The following RABGAP1L variants were observed in gnomAD, a reference collection of about 807,000 sequenced individuals.
The protein encoded by RABGAP1L is RAB GTPase activating protein 1 like.
Under a neutral mutation model 137.7 loss-of-function variants are expected in RABGAP1L, and 63 were observed. That is an observed-to-expected ratio of 0.46 (90% confidence interval 0.37 to 0.56). The LOEUF (loss-of-function observed/expected upper bound fraction) is 0.56. RABGAP1L is among the 20% of genes least tolerant of loss of function. RABGAP1L has a pLI of 0.00. For synonymous variants in RABGAP1L, 431 were observed against 433.7 expected, an observed-to-expected ratio of 0.99 and a Z score of 0.08; for missense variants, 1,095 against 1,244.0, an observed-to-expected ratio of 0.88 and a Z score of 1.80.
chr1:174,336,540 C>G (rs1048781438), intron 11 of RABGAP1L, among the ~76,000 whole-genome samples: 1 of 152,112 alleles, frequency 6.6e-6, no homozygotes, highest in South Asian at 2.1e-4. Context: ...TAAGGAAATG[C>G]TTTTTAAACT....
chr1:174,298,252 G>A (rs547467340), intron 10 of RABGAP1L, among the ~76,000 whole-genome samples: 2 of 151,900 alleles, frequency 1.3e-5, no homozygotes, highest in East Asian at 2.0e-4. Context: ...TTGCATCCCC[G>A]AGTTCTGGTG....
chr1:174,630,788 T>C (rs1307065295), intron 13 of RABGAP1L, among the ~76,000 whole-genome samples: 1 of 145,044 alleles, frequency 6.9e-6, no homozygotes, highest in African/African-American at 2.6e-5. Context: ...TCTCTTTTTT[T>C]CTTTATTAGT....
chr1:174,272,834 C>T (rs1571869273), intron 8 of RABGAP1L, among the ~76,000 whole-genome samples: 1 of 152,014 alleles, frequency 6.6e-6, no homozygotes, highest in Non-Finnish European at 1.5e-5. Flanking sequence ...TTTTAATGCA[C>T]TGCTATTAAT....
chr1:174,217,374 T>C (rs1033910847), intron 1 of RABGAP1L, among the ~76,000 whole-genome samples: 5 of 152,190 alleles, frequency 3.3e-5, no homozygotes, highest in African/African-American at 9.7e-5. Context: ...GGAAGACTGT[T>C]AGCCTGCAGA....
chr1:174,679,168 T>C (rs1458864661), intron 14 of RABGAP1L, among the ~76,000 whole-genome samples: 2 of 152,164 alleles, frequency 1.3e-5, no homozygotes, highest in African/African-American at 4.8e-5. Context: ...TACCTCCTGT[T>C]TTTGCCTAAT....
chr1:174,284,370 C>T (rs936324234), intron 10 of RABGAP1L, among the ~76,000 whole-genome samples: 1 of 152,116 alleles, frequency 6.6e-6, no homozygotes. Flanking sequence ...GCTTTTTTTA[C>T]TTAGCATAAT....
chr1:174,422,196 G>A (rs892385720), intron 13 of RABGAP1L, among the ~76,000 whole-genome samples: 1 of 152,102 alleles, frequency 6.6e-6, no homozygotes, highest in African/African-American at 2.4e-5. Context: ...ATCTTGATAC[G>A]CTTAATGGCT....
chr1:174,552,534 T>C (rs1053491575), intron 13 of RABGAP1L, among the ~76,000 whole-genome samples: 19 of 152,108 alleles, frequency 1.2e-4, no homozygotes. Flanking sequence ...TAGTATTCCA[T>C]GGTGTATATG....
intron 11 of RABGAP1L, among the ~76,000 whole-genome samples, chr1:174,324,247 G>A (rs1406100756): frequency 6.6e-6 from 1 of 152,112 alleles, no homozygotes; most frequent in African/African-American, 2.4e-5. Flanking sequence ...GAAATGAGGG[G>A]TGCAGAAGAG....
intron 1 of RABGAP1L, among the ~76,000 whole-genome samples, chr1:174,177,598 G>T (rs1163224353): frequency 6.6e-6 from 1 of 152,158 alleles, no homozygotes; most frequent in Non-Finnish European, 1.5e-5. Flanking sequence ...TTTTCCTAGG[G>T]TTATTATGAT....
chr1:174,609,935 A>T (rs1671067629), intron 13 of RABGAP1L, among the ~76,000 whole-genome samples: 1 of 152,062 alleles, frequency 6.6e-6, no homozygotes, highest in East Asian at 1.9e-4. Context: ...TTTCTGTTTT[A>T]AGATAGAGAT....
intron 5 of RABGAP1L, chr1:174,245,974 G>T (rs896080583): frequency 6.6e-6 from 1 of 152,090 alleles, no homozygotes; most frequent in African/African-American, 2.4e-5. Context: ...GTTTCCAAAA[G>T]AGTGAGTTAT....
intron 17 of RABGAP1L, among the ~76,000 whole-genome samples, chr1:174,708,890 C>A (rs1680263151): frequency 6.6e-6 from 1 of 152,186 alleles, no homozygotes; most frequent in Non-Finnish European, 1.5e-5. Context: ...CAGAACCTAC[C>A]CCCATGGCAT....
chr1:174,527,838 T>A (rs1664034516), intron 13 of RABGAP1L, among the ~76,000 whole-genome samples: 1 of 151,988 alleles, frequency 6.6e-6, no homozygotes, highest in Admixed American at 6.6e-5. Flanking sequence ...TATTAATATA[T>A]TTAGAACCAT....
At chr1:174,372,203 A>G (rs903022585) in intron 12 of RABGAP1L, among the ~76,000 whole-genome samples, 1 of 152,134 alleles carries the variant, frequency 6.6e-6, no homozygotes, top group Non-Finnish European at 1.5e-5. Context: ...ATTTAAAGGT[A>G]ATTTATTCAA....
intron 13 of RABGAP1L, among the ~76,000 whole-genome samples, chr1:174,586,658 C>A (rs1006972110): frequency 6.6e-6 from 1 of 152,078 alleles, no homozygotes; most frequent in African/African-American, 2.4e-5. Context: ...AGTGCAATGG[C>A]ACGATCTTGG....
intron 11 of RABGAP1L, among the ~76,000 whole-genome samples, chr1:174,320,946 C>T (rs897085365): frequency 5.9e-5 from 9 of 152,076 alleles, no homozygotes; most frequent in African/African-American, 7.2e-5. Context: ...GCCTGGGAGT[C>T]GGGTGGAACA....
chr1:174,468,831 GC>G (rs1657590676), intron 13 of RABGAP1L, among the ~76,000 whole-genome samples: 1 of 152,188 alleles, frequency 6.6e-6, no homozygotes, highest in Admixed American at 6.5e-5. Context: ...AGTGCAGGAT[GC>G]CATACGTGGT....
At chr1:174,224,648 T>G (rs1670023271) in intron 3 of RABGAP1L, among the ~76,000 whole-genome samples, 1 of 152,196 alleles carries the variant, frequency 6.6e-6, no homozygotes, top group Admixed American at 6.5e-5. Context: ...CTGCAGGATG[T>G]GTATTAATAT....
Sources: gnomAD v4.1 joint callset for allele counts (sites outside exome capture counted in the v4.1 genomes callset) on GRCh38, gnomAD v4.1.1 for gene constraint, MANE v1.5 for transcripts, NCBI Gene and HGNC (gene_info 2026-07-23, HGNC 2026-07-21) for gene names.